HS3ST5: variants seen among roughly 807,000 people sequenced by gnomAD.
HS3ST5 encodes heparan sulfate-glucosamine 3-sulfotransferase 5, also known as heparan sulfate glucosamine 3-O-sulfotransferase 5.
HS3ST5 carries 10 observed loss-of-function variants against 25.4 expected under a neutral mutation model. The ratio of observed to expected loss-of-function variants is 0.39; its 90% confidence interval spans 0.24 to 0.67. HS3ST5 has a LOEUF of 0.67. Among genes scored for constraint, HS3ST5 ranks in the 30% least tolerant of loss-of-function variants. The pLI is 0.44. For missense variants in HS3ST5, 324 were observed against 420.7 expected (o/e 0.77, Z 2.01); for synonymous variants, 170 against 162.4 (o/e 1.05, Z -0.36).
At chr6:114,160,465 C>T (rs966724997) in intron 3 of HS3ST5, among the ~76,000 whole-genome samples, 1 of 151,854 alleles carries the variant, frequency 6.6e-6, no homozygotes, top group East Asian at 1.9e-4. Context: ...TAGAAATTCC[C>T]CCTCCCCCAA....
At chr6:114,237,792 G>A (rs1169629321) in intron 1 of HS3ST5, among the ~76,000 whole-genome samples, 1 of 152,160 alleles carries the variant, frequency 6.6e-6, no homozygotes, top group Non-Finnish European at 1.5e-5. Flanking sequence ...AGTTTTCTAC[G>A]TAAGTCAGGT....
In HS3ST5 at chr6:114,056,982, T is replaced by C. The variant is rs17075821; in HGVS notation, c.*275A>G. 46,992 of 322,318 alleles carry C rather than the reference T, an allele frequency of 0.15. 3,972 individuals carry two copies. Among genetic ancestry groups the C allele is most frequent in the African/African-American group, 0.27 (12,681 of 47,192 alleles). 20.0% of individuals were successfully genotyped at this position (322,318 alleles called of 1,614,324 possible). A position where few individuals can be genotyped will look rare whatever the true frequency, so the allele number is the denominator to read the frequency against. On this transcript the variant is annotated 3_prime_UTR_variant, in exon 5 of 5. Transcript: ENST00000312719. Reference sequence around the variant, plus strand: ...TCTGAATCAAAGGAAGACTAACTCTTTGAGAATAGCTGAAGTCACTTTCCC... The same window carrying C: ...TCTGAATCAAAGGAAGACTAACTCTCTGAGAATAGCTGAAGTCACTTTCCC...
intron 3 of HS3ST5, among the ~76,000 whole-genome samples, chr6:114,066,725 C>T (rs944358898): frequency 1.3e-5 from 2 of 152,192 alleles, no homozygotes; most frequent in African/African-American, 2.4e-5. Context: ...TCTTCAGTCA[C>T]CAAGGTCAGT....
At chr6:114,243,857 T>TC (rs202129796) in intron 1 of HS3ST5, among the ~76,000 whole-genome samples, 6,808 of 152,260 alleles carry the variant, frequency 0.045, 234 homozygotes, top group African/African-American at 0.098. Context: ...ACTTGGGTCA[T>TC]CCCCCTATGC....
chr6:114,277,786 GAGTT>G (rs1413791792), intron 1 of HS3ST5, among the ~76,000 whole-genome samples: 13 of 151,994 alleles, frequency 8.6e-5, no homozygotes, highest in African/African-American at 2.7e-4. Context: ...CGTTTTAAAA[GAGTT>G]AGCTCCAGAG....
intron 1 of HS3ST5, among the ~76,000 whole-genome samples, chr6:114,326,682 A>C (rs1367994292): frequency 6.6e-6 from 1 of 152,170 alleles, no homozygotes; most frequent in Non-Finnish European, 1.5e-5. Context: ...TGAAGTCTTT[A>C]GATTTTTTTT....
In HS3ST5 at chr6:114,310,171, C is replaced by A. The variant is rs750464152; in HGVS notation, c.-339+32024G>T. Among the ~76,000 whole-genome samples, 6 of 152,176 alleles carry A rather than the reference C, an allele frequency of 3.9e-5. No individual in the cohort carries two copies. In the East Asian group the frequency reaches 7.7e-4, roughly 20 times the overall value. Reference sequence around the variant, plus strand: ...TTAGATTTAAATCCAAACTAAAATTCTCCTATCTGAAATATCTTTCAAATG... The same window carrying A: ...TTAGATTTAAATCCAAACTAAAATTATCCTATCTGAAATATCTTTCAAATG... On this transcript the variant is annotated intron_variant, in intron 1 of 4. Transcript: ENST00000312719.
chr6:114,254,249 C>G (rs564696182), intron 1 of HS3ST5, among the ~76,000 whole-genome samples: 6 of 152,278 alleles, frequency 3.9e-5, no homozygotes, highest in African/African-American at 1.4e-4. Flanking sequence ...TGTGGAAGAC[C>G]CTGAACCTCC....
chr6:114,127,625 ATAAAAGGGGTGAATC>A (rs1160636734), intron 3 of HS3ST5, among the ~76,000 whole-genome samples: 2 of 152,198 alleles, frequency 1.3e-5, no homozygotes, highest in Non-Finnish European at 2.9e-5. Context: ...GATACAAGCC[ATAAAAGGGGTGAATC>A]TTAAAGCACT....
intron 3 of HS3ST5, among the ~76,000 whole-genome samples, chr6:114,098,171 T>G (rs1775542551): frequency 6.6e-6 from 1 of 151,998 alleles, no homozygotes; most frequent in African/African-American, 2.4e-5. Flanking sequence ...AAGATAAAGT[T>G]ATTATGATCT....
intron 1 of HS3ST5, among the ~76,000 whole-genome samples, chr6:114,321,717 C>A (rs928751174): frequency 1.3e-5 from 2 of 151,988 alleles, no homozygotes; most frequent in Non-Finnish European, 2.9e-5. Context: ...GTACAATATA[C>A]AATGTTCTAG....
At chr6:114,177,025 C>A (rs533501495) in intron 2 of HS3ST5, among the ~76,000 whole-genome samples, 1 of 152,316 alleles carries the variant, frequency 6.6e-6, no homozygotes, top group African/African-American at 2.4e-5. Context: ...TTAGTCCTTT[C>A]ACCAGGGCTT....
chr6:114,130,700 G>T (rs1346584990), intron 3 of HS3ST5, among the ~76,000 whole-genome samples: 2 of 152,120 alleles, frequency 1.3e-5, no homozygotes, highest in Admixed American at 1.3e-4. Flanking sequence ...CTCCTGAGTA[G>T]CTGGGACTAC....
At chr6:114,160,324 CTA>C (rs1491431579) in intron 3 of HS3ST5, among the ~76,000 whole-genome samples, 1 of 151,372 alleles carries the variant, frequency 6.6e-6, no homozygotes, top group Non-Finnish European at 1.5e-5. Context: ...TGGAGAACGA[CTA>C]AAAAAAAATC....
At chr6:114,139,747 T>C (rs750059335) in intron 3 of HS3ST5, among the ~76,000 whole-genome samples, 2 of 152,164 alleles carry the variant, frequency 1.3e-5, no homozygotes, top group Non-Finnish European at 2.9e-5. Flanking sequence ...GAGCAGTATG[T>C]GGCATGAACA....
chr6:114,236,024 C>A (rs1419903281), intron 1 of HS3ST5, among the ~76,000 whole-genome samples: 3 of 152,170 alleles, frequency 2.0e-5, no homozygotes, highest in Admixed American at 1.3e-4. Flanking sequence ...CTCCTTGAGC[C>A]AGACTCTCAG....
chr6:114,264,043 G>A (rs963688138), intron 1 of HS3ST5, among the ~76,000 whole-genome samples: 2 of 151,848 alleles, frequency 1.3e-5, no homozygotes, highest in Non-Finnish European at 2.9e-5. Context: ...TGCTTTTCTA[G>A]GTGTGTCTAA....
intron 2 of HS3ST5, among the ~76,000 whole-genome samples, chr6:114,198,134 C>G (rs1004731087): frequency 6.6e-6 from 1 of 151,878 alleles, no homozygotes; most frequent in Non-Finnish European, 1.5e-5. Flanking sequence ...AGAGGAATTT[C>G]AAAATACAGT....
chr6:114,134,518 A>AGCTCTGT (rs1777497205), intron 3 of HS3ST5, among the ~76,000 whole-genome samples: 2 of 152,202 alleles, frequency 1.3e-5, no homozygotes, highest in Admixed American at 6.5e-5. Flanking sequence ...CTGCACAGGA[A>AGCTCTGT]GCAGGACCTG....
Sources: gnomAD v4.1 joint callset for allele counts (sites outside exome capture counted in the v4.1 genomes callset) on GRCh38, gnomAD v4.1.1 for gene constraint, MANE v1.5 for transcripts, NCBI Gene and HGNC (gene_info 2026-07-23, HGNC 2026-07-21) for gene names.